KIRREL1: variants seen among roughly 807,000 people sequenced by gnomAD.
KIRREL1 encodes kirre like nephrin family adhesion molecule 1.
In KIRREL1, 25 loss-of-function variants were observed where a neutral mutation model predicts 83.3. The ratio of observed to expected loss-of-function variants is 0.30; its 90% CI spans 0.22 to 0.42. KIRREL1 has a LOEUF of 0.42. Among genes scored for constraint, KIRREL1 ranks in the 10% least tolerant of loss-of-function variants. KIRREL1 has a pLI of 1.00. For synonymous variants in KIRREL1, 388 were observed against 410.4 expected (o/e 0.95, Z 0.66); for missense variants, 812 against 1,032.3 (o/e 0.79, Z 2.92).
chr1:158,091,332 CCTT>C, intron 10 of KIRREL1, 23 bp from the exon 11 acceptor site: 1 of 1,606,456 alleles, frequency 6.2e-7, no homozygotes, highest in Non-Finnish European at 8.5e-7. Context: ...CCCTTTCTTA[CCTT>C]CTTCCTTCCC....
chr1:157,999,643 G>C (rs1659300610), intron 1 of KIRREL1, among the ~76,000 whole-genome samples: 1 of 151,550 alleles, frequency 6.6e-6, no homozygotes, highest in African/African-American at 2.4e-5. Context: ...CGACCTACCA[G>C]TTCCTGTCTG....
intron 1 of KIRREL1, among the ~76,000 whole-genome samples, chr1:157,996,378 G>T (rs1028418202): frequency 2.6e-5 from 4 of 152,014 alleles, no homozygotes; most frequent in African/African-American, 7.3e-5. Context: ...TCGGGGAGGA[G>T]AAATTGAAAA....
At chr1:158,087,293 A>G (rs1446578024) in intron 5 of KIRREL1, among the ~76,000 whole-genome samples, 1 of 152,130 alleles carries the variant, frequency 6.6e-6, no homozygotes, top group Non-Finnish European at 1.5e-5. Context: ...AGGGTTTCAA[A>G]TAAGGGATTG....
At chr1:158,081,313 T>G (rs1661847746) in intron 3 of KIRREL1, among the ~76,000 whole-genome samples, 1 of 152,226 alleles carries the variant, frequency 6.6e-6, no homozygotes, top group African/African-American at 2.4e-5. Context: ...ATATTTACCA[T>G]GAAAGGAATA....
At position 158,089,610 on chromosome 1, in the gene KIRREL1, G is replaced by T. The variant is rs1209497413; in HGVS notation, c.1153G>T (p.Val385Leu). The T allele has an allele frequency of 6.2e-7, 1 of 1,613,750 alleles. No individual in the cohort carries two copies. Among genetic ancestry groups the T allele is most frequent in the Admixed American group, 1.7e-5 (1 of 59,998 alleles). ...TCGAATCGGAGTGGCTGAGCGGGAG[G>T]TGCCGCTCTATGTGAACGGTGAGTG... is the stretch of plus-strand genomic sequence containing the variant. Reference protein sequence around the residue: ...VPRIGVAEREVPLYVNGPPII... With the variant: ...VPRIGVAERELPLYVNGPPII... Residue 385 changes from valine (V) to leucine (L), a missense_variant, in exon 9 of 15, where the codon GTG becomes TTG. By Grantham distance (32) the Val-to-Leu change is conservative. Coordinates refer to ENST00000359209, the MANE Select transcript of KIRREL1 (RefSeq NM_018240.7).
At chr1:158,079,396 T>A (rs1296285962) in intron 3 of KIRREL1, among the ~76,000 whole-genome samples, 1 of 152,214 alleles carries the variant, frequency 6.6e-6, no homozygotes, top group African/African-American at 2.4e-5. Context: ...CTCGGCTCAC[T>A]GTAATCTCCA....
chr1:158,075,725 G>T (rs895585429), intron 1 of KIRREL1, among the ~76,000 whole-genome samples: 6 of 152,126 alleles, frequency 3.9e-5, no homozygotes, highest in African/African-American at 1.4e-4. Context: ...CTGGATGCAG[G>T]GGCTCAGGTT....
chr1:158,039,224 G>T (rs992021302), intron 1 of KIRREL1, among the ~76,000 whole-genome samples: 1 of 152,184 alleles, frequency 6.6e-6, no homozygotes, highest in Non-Finnish European at 1.5e-5. Flanking sequence ...CCTATGTCTT[G>T]CTTGCCATAG....
chr1:158,087,617 TTAACTGGAGCCGA>T (rs1662053057), intron 5 of KIRREL1, 125 bp from the exon 6 acceptor site: 1 of 616,360 alleles, frequency 1.6e-6, no homozygotes, highest in Non-Finnish European at 2.9e-6. Context: ...AGACAGTGTG[TTAACTGGAGCCGA>T]TACACTGCAA....
intron 1 of KIRREL1, among the ~76,000 whole-genome samples, chr1:157,999,515 T>G (rs1659296201): frequency 6.6e-6 from 1 of 152,176 alleles, no homozygotes; most frequent in Admixed American, 6.5e-5. Context: ...GCAGTTGGTA[T>G]GGAGGGAAGG....
chr1:158,084,020 C>T (rs1452372689), intron 3 of KIRREL1, among the ~76,000 whole-genome samples: 2 of 152,128 alleles, frequency 1.3e-5, no homozygotes, highest in East Asian at 3.9e-4. Flanking sequence ...ATCCCAGCTA[C>T]TTGGGAGGCT....
chr1:158,013,444 C>G (rs1303957855), intron 1 of KIRREL1, among the ~76,000 whole-genome samples: 1 of 152,198 alleles, frequency 6.6e-6, no homozygotes, highest in Non-Finnish European at 1.5e-5. Flanking sequence ...AAAGCAGACT[C>G]CTTGTGATGC....
At chr1:158,040,959 G>C (rs1660608638) in intron 1 of KIRREL1, among the ~76,000 whole-genome samples, 1 of 152,178 alleles carries the variant, frequency 6.6e-6, no homozygotes, top group South Asian at 2.1e-4. Flanking sequence ...TAACTCTAGG[G>C]GTAGGGGGAG....
rs60027414 is a variant in KIRREL1, at chr1:158,034,290, A to AAG, written c.52+40563_52+40564insGA. On this transcript the variant is annotated intron_variant, in intron 1 of 14. Transcript: ENST00000359209. Reference sequence around the variant, plus strand: ...GTCTCAAAAAAAAAAAAAAAAAGAAAAAAAGAAAATGAAATTTTTCTTTAT... The same window carrying AAG: ...GTCTCAAAAAAAAAAAAAAAAAGAAAAGAAAAGAAAATGAAATTTTTCTTTAT... Among the ~76,000 whole-genome samples, 643 of 151,558 alleles carry AAG rather than the reference A, an allele frequency of 4.2e-3. 1 individual carries two copies. Among genetic ancestry groups the AAG allele is most frequent in the African/African-American group, 9.4e-3 (386 of 41,198 alleles).
intron 1 of KIRREL1, among the ~76,000 whole-genome samples, chr1:158,038,016 C>T (rs1393811066): frequency 2.6e-5 from 4 of 152,190 alleles, no homozygotes; most frequent in African/African-American, 7.2e-5. Flanking sequence ...AGCCTGCCAG[C>T]GGCTCAATGG....
At chr1:158,077,415 C>T (rs889564690) in intron 2 of KIRREL1, among the ~76,000 whole-genome samples, 2 of 152,056 alleles carry the variant, frequency 1.3e-5, no homozygotes, top group Admixed American at 6.5e-5. Context: ...AAGCAAGAAG[C>T]GGGTGGGGGA....
chr1:158,088,199 C>T (rs1662075887), intron 7 of KIRREL1, 45 bp downstream of exon 7: 1 of 1,613,550 alleles, frequency 6.2e-7, no homozygotes, highest in Non-Finnish European at 8.5e-7. Context: ...AGCAGGGGCC[C>T]CCAAAGGGCC....
chr1:158,090,313 A>C (rs1571000284), intron 10 of KIRREL1, among the ~76,000 whole-genome samples: 2 of 148,342 alleles, frequency 1.3e-5, no homozygotes, highest in African/African-American at 5.0e-5. Context: ...TGCCTGGCCC[A>C]CTCTTCTCTC....
chr1:158,086,837 A>AAGAGTCCTCCT (rs1553243756), intron 5 of KIRREL1, 91 bp downstream of exon 5: 8 of 1,217,024 alleles, frequency 6.6e-6, no homozygotes, highest in African/African-American at 3.0e-5. Context: ...AACACAAACT[A>AAGAGTCCTCCT]AGAGTCCCCC....
Sources: gnomAD v4.1 joint callset for allele counts (sites outside exome capture counted in the v4.1 genomes callset) on GRCh38, gnomAD v4.1.1 for gene constraint, MANE v1.5 for transcripts, NCBI Gene and HGNC (gene_info 2026-07-23, HGNC 2026-07-21) for gene names.